The following B3GALT1 variants were observed in gnomAD, a reference collection of about 807,000 sequenced individuals.
B3GALT1 encodes UDP-Gal:betaGlcNAc beta 1,3-galactosyltransferase, polypeptide 1.
In B3GALT1, 10 loss-of-function variants were observed where a neutral mutation model predicts 23.2. The observed-to-expected ratio is 0.43, with a 90% CI of 0.27 to 0.73. The LOEUF is 0.73. Ranked by LOEUF, B3GALT1 falls within the 30% of genes least tolerant of loss-of-function variation. The probability of loss-of-function intolerance (pLI) is 0.21; values close to 1 mark genes in which losing one functional copy is unlikely to be tolerated. For missense variants in B3GALT1, 299 were observed against 405.4 expected, an observed-to-expected ratio of 0.74 and a Z score of 2.25; for synonymous variants, 156 against 141.5, an observed-to-expected ratio of 1.10 and a Z score of -0.73.
chr2:167,438,333 C>T (rs1304730342), intron 1 of B3GALT1, among the ~76,000 whole-genome samples: 1 of 152,150 alleles, frequency 6.6e-6, no homozygotes, highest in African/African-American at 2.4e-5. Context: ...TTGATTAGTG[C>T]CTGACATGCT....
At chr2:167,591,897 G>A (rs543307042) in intron 2 of B3GALT1, among the ~76,000 whole-genome samples, 56 of 152,254 alleles carry the variant, frequency 3.7e-4, no homozygotes, top group African/African-American at 1.3e-3. Flanking sequence ...AAGGTGAGAT[G>A]ATTGTGCTTG....
intron 1 of B3GALT1, among the ~76,000 whole-genome samples, chr2:167,356,000 C>G (rs1398447357): frequency 6.6e-6 from 1 of 152,074 alleles, no homozygotes. Flanking sequence ...TTTCCTAGTT[C>G]TACAGTAATG....
At chr2:167,769,216 A>G (rs1181986439) in intron 3 of B3GALT1, among the ~76,000 whole-genome samples, 1 of 152,130 alleles carries the variant, frequency 6.6e-6, no homozygotes, top group Non-Finnish European at 1.5e-5. Context: ...CTGAGACCTC[A>G]CAGCTGTTAT....
intron 3 of B3GALT1, among the ~76,000 whole-genome samples, chr2:167,702,802 G>GTCC (rs1436040687): frequency 1.3e-5 from 2 of 152,076 alleles, no homozygotes; most frequent in Non-Finnish European, 2.9e-5. Flanking sequence ...TTCTCCCCTT[G>GTCC]TCCCCAGTCT....
At chr2:167,808,249 T>C (rs1401905041) in intron 3 of B3GALT1, among the ~76,000 whole-genome samples, 1 of 151,034 alleles carries the variant, frequency 6.6e-6, no homozygotes, top group Non-Finnish European at 1.5e-5. Context: ...GTCTTGACTC[T>C]TTATCCAATT....
chr2:167,515,904 CG>C (rs1174274801), intron 2 of B3GALT1, among the ~76,000 whole-genome samples: 1 of 151,970 alleles, frequency 6.6e-6, no homozygotes, highest in Non-Finnish European at 1.5e-5. Context: ...TAAAAAACAA[CG>C]TGATTAGGTC....
chr2:167,506,457 A>G (rs1226106086), intron 2 of B3GALT1, among the ~76,000 whole-genome samples: 1 of 152,238 alleles, frequency 6.6e-6, no homozygotes, highest in African/African-American at 2.4e-5. Context: ...CTTATGGCAA[A>G]TAAAGTGAAT....
intron 2 of B3GALT1, among the ~76,000 whole-genome samples, chr2:167,586,106 G>T (rs1684580780): frequency 6.6e-6 from 1 of 152,046 alleles, no homozygotes. Context: ...TGTGCACTTT[G>T]ATTTATGCAT....
At chr2:167,640,921 A>G (rs1370242608) in intron 2 of B3GALT1, among the ~76,000 whole-genome samples, 1 of 152,130 alleles carries the variant, frequency 6.6e-6, no homozygotes, top group African/African-American at 2.4e-5. Context: ...ATTTCATAAA[A>G]TTTTATATAT....
chr2:167,391,363 T>C (rs930020748), intron 1 of B3GALT1, among the ~76,000 whole-genome samples: 1 of 152,222 alleles, frequency 6.6e-6, no homozygotes, highest in East Asian at 1.9e-4. Flanking sequence ...TCATTTGTTA[T>C]TCAGAAGCTT....
At chr2:167,681,049 A>C (rs947542206) in intron 3 of B3GALT1, among the ~76,000 whole-genome samples, 21 of 152,242 alleles carry the variant, frequency 1.4e-4, no homozygotes, top group Non-Finnish European at 2.9e-5. Context: ...AGCATAAAAC[A>C]TGACAACAAA....
At chr2:167,592,206 C>T (rs1438876791) in intron 2 of B3GALT1, among the ~76,000 whole-genome samples, 1 of 152,176 alleles carries the variant, frequency 6.6e-6, no homozygotes, top group East Asian at 1.9e-4. Flanking sequence ...TCTAAGATAG[C>T]AATATCAATT....
chr2:167,537,897 C>T (rs1167907962), intron 2 of B3GALT1, among the ~76,000 whole-genome samples: 1 of 147,964 alleles, frequency 6.8e-6, no homozygotes, highest in South Asian at 2.1e-4. Flanking sequence ...GTTCTTGGCT[C>T]ACTGCAACTG....
chr2:167,806,487 G>A (rs1488832382), intron 3 of B3GALT1, among the ~76,000 whole-genome samples: 7 of 152,102 alleles, frequency 4.6e-5, no homozygotes, highest in African/African-American at 7.2e-5. Flanking sequence ...TTTGAGATGC[G>A]TCCCATCAAT....
chr2:167,836,661 C>G (rs1442399042), intron 4 of B3GALT1, among the ~76,000 whole-genome samples: 3 of 152,158 alleles, frequency 2.0e-5, no homozygotes, highest in Non-Finnish European at 1.5e-5. Flanking sequence ...CATTCAGATT[C>G]AGGAAATACA....
At chr2:167,692,774 T>A (rs1394427154) in intron 3 of B3GALT1, among the ~76,000 whole-genome samples, 1 of 152,122 alleles carries the variant, frequency 6.6e-6, no homozygotes, top group East Asian at 1.9e-4. Flanking sequence ...ATCTACTCAG[T>A]AACATAACTA....
At chr2:167,575,291 A>G (rs1481571187) in intron 2 of B3GALT1, among the ~76,000 whole-genome samples, 1 of 151,826 alleles carries the variant, frequency 6.6e-6, no homozygotes, top group African/African-American at 2.4e-5. Context: ...AAGCCTGGAT[A>G]TGGATGTTTT....
At chr2:167,856,399 C>T (rs1460091268) in intron 4 of B3GALT1, among the ~76,000 whole-genome samples, 1 of 152,072 alleles carries the variant, frequency 6.6e-6, no homozygotes, top group Non-Finnish European at 1.5e-5. Flanking sequence ...TGCTGGTGAA[C>T]ATATTTGGAG....
intron 4 of B3GALT1, among the ~76,000 whole-genome samples, chr2:167,839,212 C>G (rs1305121779): frequency 7.2e-5 from 11 of 152,150 alleles, no homozygotes; most frequent in South Asian, 2.1e-4. Context: ...AAAGGGTATT[C>G]AATTAGGAAA....
Sources: allele counts gnomAD v4.1 joint callset (sites outside exome capture counted in the v4.1 genomes callset), GRCh38; gene constraint gnomAD v4.1.1; transcripts MANE v1.5; gene names NCBI Gene and HGNC (gene_info 2026-07-23, HGNC 2026-07-21).